The following PCDHA8 variants were observed in gnomAD, a reference collection of about 807,000 sequenced individuals.
PCDHA8 encodes protocadherin alpha 8.
Under a neutral mutation model 61.8 loss-of-function variants are expected in PCDHA8, and 53 were observed. That is an observed-to-expected ratio of 0.86 (90% CI 0.69 to 1.08). PCDHA8 has a LOEUF of 1.08. Among genes scored for constraint, PCDHA8 ranks in the 50% least tolerant of loss-of-function variants. The pLI is 0.00. For synonymous variants in PCDHA8, 618 were observed against 556.6 expected, an observed-to-expected ratio of 1.11 and a Z score of -1.55; for missense variants, 1,293 against 1,245.0, an observed-to-expected ratio of 1.04 and a Z score of -0.58.
At chr5:140,981,392 G>A (rs565370456) in intron 2 of PCDHA8, among the ~76,000 whole-genome samples, 1 of 152,208 alleles carries the variant, frequency 6.6e-6, no homozygotes, top group South Asian at 2.1e-4. Context: ...TGGTCAATAT[G>A]GTGAAAACCT....
At chr5:140,885,157 C>G (rs2060491561) in intron 1 of PCDHA8, among the ~76,000 whole-genome samples, 1 of 151,962 alleles carries the variant, frequency 6.6e-6, no homozygotes, top group African/African-American at 2.4e-5. Context: ...TTGATTGTCT[C>G]TACTTTTTTG....
chr5:140,891,148 A>C (rs913917156), intron 1 of PCDHA8, among the ~76,000 whole-genome samples: 2 of 151,726 alleles, frequency 1.3e-5, no homozygotes, highest in Non-Finnish European at 2.9e-5. Flanking sequence ...TATTCTGTTT[A>C]TTTTCCTTTG....
At position 140,882,396 on chromosome 5, in the gene PCDHA8, C is replaced by G; in HGVS notation, c.2394+38681C>G. The G allele has an allele frequency of 1.9e-6, 3 of 1,614,196 alleles. No homozygotes were observed. In the South Asian group the frequency reaches 3.3e-5, roughly 18 times the overall value. On this transcript the variant is annotated intron_variant, in intron 1 of 3. Transcript: ENST00000531613. ...GTCCCCGAGGAAGCAAAACACGGCA[C>G]CTTCGTGGGCCGCATCGCTCAGGAC...
At chr5:140,991,985 A>G (rs114196704) in intron 3 of PCDHA8, among the ~76,000 whole-genome samples, 1,827 of 150,246 alleles carry the variant, frequency 0.012, 17 homozygotes, top group Non-Finnish European at 0.019. Context: ...TCTGCCTACC[A>G]CCCGGTCTTT....
At position 140,843,005 on chromosome 5, in the gene PCDHA8, G is replaced by C; in HGVS notation, c.1684G>C (p.Ala562Pro). Residue 562 changes from alanine (A) to proline (P), a missense_variant, in exon 1 of 4, where the codon GCG becomes CCG. By Grantham distance (27) the Ala-to-Pro change is conservative (BLOSUM62 -1). Transcript: ENST00000531613. ...QVFVLDENDN[A>P]PALLEPRVGG... ...GTTCGTGCTGGACGAGAATGACAAC[G>C]CGCCGGCACTGCTGGAGCCTCGGGT... The C allele has an allele frequency of 5.0e-6, 8 of 1,595,030 alleles. 1 individual carries two copies. The highest frequency in any genetic ancestry group is 1.1e-5 in the South Asian group (1 of 90,516).
intron 1 of PCDHA8, among the ~76,000 whole-genome samples, chr5:140,977,523 C>G (rs1393138256): frequency 2.0e-5 from 3 of 152,070 alleles, no homozygotes; most frequent in African/African-American, 7.2e-5. Flanking sequence ...AACTTGAAAA[C>G]AAAGGAGGAA....
At position 141,010,031 on chromosome 5, in the gene PCDHA8, A is replaced by C; in HGVS notation, c.*94A>C. On this transcript the variant is annotated 3_prime_UTR_variant, in exon 4 of 4. Transcript: ENST00000531613. Reference sequence around the variant, plus strand: ...TTCCCTGCTCCTTTTTCCTATCTACATGAGCCCTCTTAGAGACCTCAGAAA... The same window carrying C: ...TTCCCTGCTCCTTTTTCCTATCTACCTGAGCCCTCTTAGAGACCTCAGAAA... 4 of 1,581,690 alleles carry C rather than the reference A, an allele frequency of 2.5e-6. No individual in the cohort carries two copies. Among genetic ancestry groups the C allele is most frequent in the South Asian group, 1.2e-5 (1 of 84,422 alleles).
chr5:140,843,294 C>G lies in PCDHA8; in HGVS notation c.1973C>G (p.Ala658Gly), dbSNP rs2150356676. 1 of 1,595,870 alleles carries G rather than the reference C, an allele frequency of 6.3e-7. No individual in the cohort carries two copies. Among genetic ancestry groups the G allele is most frequent in the Non-Finnish European group, 8.6e-7 (1 of 1,165,572 alleles). The change falls in exon 1 of 4, where the codon GCG becomes GGG. Residue 658 changes from alanine to glycine, a missense_variant. Physicochemically the swap from Ala to Gly is moderately conservative, Grantham distance 60 (BLOSUM62 0). Transcript: ENST00000531613. ...LVLVKDHGEP[A>G]LTATATVLVS... ...CTGGTGAAGGATCATGGTGAACCTG[C>G]GCTGACCGCCACGGCCACGGTTCTG...
At chr5:140,901,137 A>T (rs2068464747) in intron 1 of PCDHA8, among the ~76,000 whole-genome samples, 1 of 151,974 alleles carries the variant, frequency 6.6e-6, no homozygotes, top group South Asian at 2.1e-4. Flanking sequence ...TAGATTGTAA[A>T]TATTTTCTCT....
At chr5:140,970,006 A>G (rs2096376265) in intron 1 of PCDHA8, among the ~76,000 whole-genome samples, 1 of 152,158 alleles carries the variant, frequency 6.6e-6, no homozygotes, top group Non-Finnish European at 1.5e-5. Context: ...GAGGGAGTGG[A>G]TGATGGTGAG....
At chr5:140,888,436 G>A (rs782695641) in intron 1 of PCDHA8, among the ~76,000 whole-genome samples, 5 of 152,104 alleles carry the variant, frequency 3.3e-5, no homozygotes, top group Non-Finnish European at 7.4e-5. Flanking sequence ...CAGGACAGCC[G>A]CCCAACAATA....
chr5:140,943,729 A>G (rs1215938127), intron 1 of PCDHA8, among the ~76,000 whole-genome samples: 1 of 152,374 alleles, frequency 6.6e-6, no homozygotes, highest in South Asian at 2.1e-4. Context: ...TGAGAGAATG[A>G]AAGTCCACAG....
At position 140,854,641 on chromosome 5, in the gene PCDHA8, C is replaced by T. The variant is rs1258483318; in HGVS notation, c.2394+10926C>T. The T allele has an allele frequency of 1.3e-5, 2 of 149,894 alleles. 1 individual carries two copies. Among genetic ancestry groups the T allele is most frequent in the Non-Finnish European group, 3.0e-5 (2 of 67,066 alleles). The allele number at this position is 149,894 out of a possible 1,614,324, so 9.3% of individuals were successfully genotyped here. A position where few individuals can be genotyped will look rare whatever the true frequency, so the allele number is the denominator to read the frequency against. ...ATATTCTTTAGAAAAGTCAAAACAT[C>T]ATTAAATAAAATAAATTAACCCTTG... is the stretch of plus-strand genomic sequence containing the variant. On this transcript the variant is annotated intron_variant, in intron 1 of 3. Transcript: ENST00000531613.
rs782605707 is a variant in PCDHA8 at position 140,857,540 on chromosome 5, T to G, written c.2394+13825T>G. The G allele has an allele frequency of 1.6e-4, 262 of 1,596,716 alleles. 26 individuals carry two copies. Among genetic ancestry groups the G allele is most frequent in the Non-Finnish European group, 2.1e-4 (250 of 1,167,578 alleles). ...GTCCTACTCTCTGGTGGAGCGGCGG[T>G]TGGGCGAGCGCTCGCTGTCGAGCTA... On this transcript the variant is annotated intron_variant, in intron 1 of 3. Transcript: ENST00000531613.
chr5:140,884,083 G>A, intron 1 of PCDHA8: 1 of 1,613,596 alleles, frequency 6.2e-7, no homozygotes. Context: ...GCTACAATGC[G>A]TGGCTTTCGT....
chr5:140,976,615 G>C (rs1264627090), intron 1 of PCDHA8, among the ~76,000 whole-genome samples: 2 of 152,102 alleles, frequency 1.3e-5, no homozygotes, highest in Admixed American at 1.3e-4. Context: ...AAACATGACT[G>C]TCAGCTGAAC....
intron 1 of PCDHA8, among the ~76,000 whole-genome samples, chr5:140,975,683 G>T (rs1226769029): frequency 6.6e-6 from 1 of 151,934 alleles, no homozygotes; most frequent in Non-Finnish European, 1.5e-5. Context: ...AATAAAATAG[G>T]GTATTTTAAA....
At chr5:140,867,727 A>G (rs1554161460) in intron 1 of PCDHA8, 1 of 152,094 alleles carries the variant, frequency 6.6e-6, no homozygotes. Context: ...GAAAAGACAA[A>G]GAAAATTCAA....
At chr5:140,863,033 C>T (rs1554157551) in intron 1 of PCDHA8, 1 of 557,426 alleles carries the variant, frequency 1.8e-6, no homozygotes, top group Admixed American at 1.9e-5. Context: ...GCAACAGCTG[C>T]ATCTGTCAGC....
Sources: gnomAD v4.1 joint callset for allele counts (sites outside exome capture counted in the v4.1 genomes callset) on GRCh38, gnomAD v4.1.1 for gene constraint, MANE v1.5 for transcripts, NCBI Gene and HGNC (gene_info 2026-07-23, HGNC 2026-07-21) for gene names.